C6: variants seen among roughly 807,000 people sequenced by gnomAD.
The protein encoded by C6 is complement C6, also known as complement component C6.
C6 carries 101 observed loss-of-function variants against 112.9 expected under a neutral mutation model. The ratio of observed to expected loss-of-function variants is 0.89; its 90% CI spans 0.76 to 1.06. C6 has a LOEUF of 1.06. Ranked by LOEUF, C6 falls within the 50% of genes least tolerant of loss-of-function variation. The pLI, the probability that C6 is intolerant of heterozygous loss-of-function variation, is 0.00. For synonymous variants in C6, 431 were observed against 384.1 expected (o/e 1.12, Z -1.43); for missense variants, 1,202 against 1,104.6 (o/e 1.09, Z -1.25).
At chr5:41,162,911 A>G (rs1249755492) in intron 9 of C6, among the ~76,000 whole-genome samples, 2 of 152,322 alleles carry the variant, frequency 1.3e-5, no homozygotes, top group Non-Finnish European at 2.9e-5. Context: ...TAGAAGCCAA[A>G]TTAGAGTTTG....
intron 1 of C6, among the ~76,000 whole-genome samples, chr5:41,259,639 A>G (rs1296146487): frequency 6.6e-6 from 1 of 152,158 alleles, no homozygotes; most frequent in Non-Finnish European, 1.5e-5. Flanking sequence ...TGGCATAAAT[A>G]TTGAGAATTT....
chr5:41,231,787 T>C (rs1739916930), intron 1 of C6, among the ~76,000 whole-genome samples: 1 of 152,114 alleles, frequency 6.6e-6, no homozygotes, highest in South Asian at 2.1e-4. Flanking sequence ...TCTTGCCTGG[T>C]AATTTTTTAA....
chr5:41,222,024 G>C (rs1739202343), intron 1 of C6, among the ~76,000 whole-genome samples: 1 of 151,744 alleles, frequency 6.6e-6, no homozygotes, highest in African/African-American at 2.4e-5. Flanking sequence ...AAATTAGCTG[G>C]GCATGGTGGC....
chr5:41,205,847 G>T (rs1178341014), intron 1 of C6, among the ~76,000 whole-genome samples: 2 of 152,342 alleles, frequency 1.3e-5, no homozygotes, highest in Non-Finnish European at 1.5e-5. Flanking sequence ...CAACGTCCCT[G>T]TCTGACAGCC....
intron 1 of C6, among the ~76,000 whole-genome samples, chr5:41,235,498 C>A (rs1168027700): frequency 7.0e-6 from 1 of 142,900 alleles, no homozygotes; most frequent in Admixed American, 7.0e-5. Context: ...TGGGTTGGTT[C>A]CAAGTCTTTG....
intron 1 of C6, among the ~76,000 whole-genome samples, chr5:41,209,885 C>G (rs545124276): frequency 6.6e-6 from 1 of 152,224 alleles, no homozygotes; most frequent in East Asian, 1.9e-4. Context: ...TCATATGGTA[C>G]CAAAAAAGAG....
At chr5:41,144,428 C>T (rs571907361) in intron 17 of C6, among the ~76,000 whole-genome samples, 2 of 151,948 alleles carry the variant, frequency 1.3e-5, no homozygotes, top group Non-Finnish European at 2.9e-5. Flanking sequence ...CAACCATGCT[C>T]ACCTAATCTA....
In C6 at chr5:41,149,263, G is replaced by A. The variant is rs774713250; in HGVS notation, c.2601C>T (p.Cys867=). The stretch of plus-strand genomic sequence containing the variant: ...TACCTGAACATTTTTCCCAGTCATA[G>A]CAGGTGTCATAGCCACAGGATTCTT... ...TKKESCGYDT[C]YDWEKCSAST... Residue 867 remains cysteine (C), a synonymous_variant, in exon 17 of 18, where the codon TGC becomes TGT. Transcript: ENST00000337836. 2.5e-6 allele frequency: 4 copies of A among 1,614,034 alleles called. No individual in the cohort carries two copies. The highest frequency in any genetic ancestry group is 1.6e-4 in the Middle Eastern group (1 of 6,062).
At chr5:41,166,390 T>C in intron 9 of C6, among the ~76,000 whole-genome samples, 1 of 152,146 alleles carries the variant, frequency 6.6e-6, no homozygotes. Flanking sequence ...TGTCCTCATC[T>C]ATAAAATGGG....
intron 1 of C6, among the ~76,000 whole-genome samples, chr5:41,243,054 T>C (rs1052895003): frequency 6.6e-6 from 1 of 152,126 alleles, no homozygotes; most frequent in Non-Finnish European, 1.5e-5. Context: ...ATGGGAGAAC[T>C]TTTCTTTTCT....
chr5:41,161,439 C>T (rs1747492613), intron 10 of C6, among the ~76,000 whole-genome samples: 1 of 152,104 alleles, frequency 6.6e-6, no homozygotes, highest in African/African-American at 2.4e-5. Flanking sequence ...CATTTTTATT[C>T]ACTAAGTTCC....
At position 41,142,535 on chromosome 5, in the gene C6, G is replaced by A. The variant is rs1313609899; in HGVS notation, c.*290C>T. 3.6e-5 allele frequency: 15 copies of A among 420,336 alleles called. No individual in the cohort carries two copies. In the East Asian group the frequency reaches 6.1e-4, roughly 17 times the overall value. The allele number at this position is 420,336 out of a possible 1,614,324, so 26.0% of individuals were successfully genotyped here. A position where few individuals can be genotyped will look rare whatever the true frequency, so the allele number is the denominator to read the frequency against. ...TGCTTAATGTCACAGGCTACATAAG[G>A]GCCTCAGAAGTCACATTATTTTTGT... On this transcript the variant is annotated 3_prime_UTR_variant, in exon 18 of 18. Transcript: ENST00000337836.
At position 41,193,795 on chromosome 5, in the gene C6, A is replaced by ATTTTTTTTT. The variant is rs11460725; in HGVS notation, c.587+1988_587+1996dup. Among the ~76,000 whole-genome samples, 3 of 137,418 alleles carry ATTTTTTTTT rather than the reference A, an allele frequency of 2.2e-5. 1 individual carries two copies. The highest frequency in any genetic ancestry group is 1.6e-5 in the Non-Finnish European group (1 of 64,268). 90.2% of individuals were successfully genotyped at this position (137,418 alleles called of 152,430 possible). On this transcript the variant is annotated intron_variant, in intron 5 of 17. Coordinates refer to ENST00000337836, the MANE Select transcript of C6 (RefSeq NM_000065.5). ...AAGAAGGTCAGCCACTCAGGAAGCTATTTTTTTTTTTTTTTTTTGTGGTTA... is the reference window on the plus strand; with the variant it reads ...AAGAAGGTCAGCCACTCAGGAAGCTATTTTTTTTTTTTTTTTTTTTTTTTTTTGTGGTTA...
chr5:41,175,062 C>T (rs1320761233), intron 8 of C6, among the ~76,000 whole-genome samples: 2 of 152,132 alleles, frequency 1.3e-5, no homozygotes, highest in Non-Finnish European at 2.9e-5. Flanking sequence ...GAGGTTCTAG[C>T]AGGGGAGTGC....
At chr5:41,231,975 G>A (rs145116794) in intron 1 of C6, among the ~76,000 whole-genome samples, 3,643 of 151,908 alleles carry the variant, frequency 0.024, 65 homozygotes, top group Middle Eastern at 0.061. Context: ...GAAGTTTAGT[G>A]TCTGTGGAGA....
At position 41,176,530 on chromosome 5, in the gene C6, C is replaced by G. The variant is rs768969991; in HGVS notation, c.1113G>C (p.Leu371=). 1.9e-6 allele frequency: 3 copies of G among 1,613,788 alleles called. No individual in the cohort carries two copies. Among genetic ancestry groups the G allele is most frequent in the Non-Finnish European group, 2.5e-6 (3 of 1,179,840 alleles). Residue 371 remains leucine (L), a synonymous_variant, in exon 8 of 18, where the codon CTG becomes CTC. Coordinates refer to ENST00000337836, the MANE Select transcript of C6 (RefSeq NM_000065.5). ...FGTHYFTSGS[L]GGVYDLLYQF... The stretch of plus-strand genomic sequence containing the variant: ...GATAGAGAAGGTCATACACGCCTCC[C>G]AGGGAGCCAGAGGTGAAGTAATGAG...
At chr5:41,161,885 C>T (rs1747549495) in intron 9 of C6, 26 bp from the exon 10 acceptor site, 2 of 1,610,854 alleles carry the variant, frequency 1.2e-6, no homozygotes, top group African/African-American at 1.3e-5. Flanking sequence ...ATAAAAATGC[C>T]CATTTAATTT....
At chr5:41,220,793 A>T (rs1168971411) in intron 1 of C6, among the ~76,000 whole-genome samples, 1 of 151,998 alleles carries the variant, frequency 6.6e-6, no homozygotes, top group Non-Finnish European at 1.5e-5. Context: ...GGTACAAATG[A>T]TTTCATTATT....
At chr5:41,230,489 G>A (rs1021459008) in intron 1 of C6, among the ~76,000 whole-genome samples, 7 of 152,046 alleles carry the variant, frequency 4.6e-5, no homozygotes, top group African/African-American at 1.7e-4. Context: ...GCACCCTCAG[G>A]CTTACTAGGA....
Sources: allele counts gnomAD v4.1 joint callset (sites outside exome capture counted in the v4.1 genomes callset), GRCh38; gene constraint gnomAD v4.1.1; transcripts MANE v1.5; gene names NCBI Gene and HGNC (gene_info 2026-07-23, HGNC 2026-07-21).